The following ZBTB20 variants were observed in gnomAD, a reference collection of about 807,000 sequenced individuals.
The protein encoded by ZBTB20 is zinc finger and BTB domain-containing protein 20.
Under a neutral mutation model 56.9 loss-of-function variants are expected in ZBTB20, and 9 were observed. The ratio of observed to expected loss-of-function variants is 0.16; its 90% CI spans 0.10 to 0.28. The LOEUF is 0.28. Ranked by LOEUF, ZBTB20 falls within the 10% of genes least tolerant of loss-of-function variation. The pLI is 1.00. For missense variants in ZBTB20, 655 were observed against 1,003.0 expected (o/e 0.65, Z 4.69); for synonymous variants, 417 against 420.7 (o/e 0.99, Z 0.11).
chr3:114,348,568 G>A (rs2080381647), intron 11 of ZBTB20, among the ~76,000 whole-genome samples: 1 of 152,114 alleles, frequency 6.6e-6, no homozygotes, highest in Non-Finnish European at 1.5e-5. Flanking sequence ...TGTTTATTTG[G>A]AAGTGTGAAT....
intron 3 of ZBTB20, among the ~76,000 whole-genome samples, chr3:114,953,936 T>C (rs2077161213): frequency 6.6e-6 from 1 of 152,132 alleles, no homozygotes; most frequent in African/African-American, 2.4e-5. Context: ...GGTTTTTTGA[T>C]ATAGCCAACT....
At chr3:114,350,206 C>T (rs2080545035) in intron 11 of ZBTB20, 68 bp downstream of exon 11, 5 of 1,534,198 alleles carry the variant, frequency 3.3e-6, no homozygotes, top group Middle Eastern at 1.8e-4. Flanking sequence ...TCTACCTGCT[C>T]TCTTACCTTG....
chr3:114,602,749 T>G (rs2107638482), intron 6 of ZBTB20, among the ~76,000 whole-genome samples: 1 of 152,162 alleles, frequency 6.6e-6, no homozygotes, highest in East Asian at 1.9e-4. Flanking sequence ...GAAAAAAGGC[T>G]TCTGTATAAA....
At chr3:114,791,619 A>G (rs187754986) in intron 5 of ZBTB20, 6 of 152,336 alleles carry the variant, frequency 3.9e-5, no homozygotes, top group Non-Finnish European at 1.5e-5. Flanking sequence ...TCTATCACTT[A>G]TTGATTATCT....
At chr3:114,690,933 C>G (rs2062660600) in intron 6 of ZBTB20, among the ~76,000 whole-genome samples, 1 of 152,120 alleles carries the variant, frequency 6.6e-6, no homozygotes, top group Non-Finnish European at 1.5e-5. Flanking sequence ...GTATTCAACA[C>G]ATGCTTAAAC....
At chr3:114,645,234 T>C (rs1362762965) in intron 6 of ZBTB20, among the ~76,000 whole-genome samples, 1 of 152,136 alleles carries the variant, frequency 6.6e-6, no homozygotes, top group Non-Finnish European at 1.5e-5. Context: ...AGTTCATATA[T>C]TTTTGTGTAA....
chr3:114,569,337 A>C (rs778742638), intron 6 of ZBTB20, among the ~76,000 whole-genome samples: 1 of 152,214 alleles, frequency 6.6e-6, no homozygotes, highest in African/African-American at 2.4e-5. Context: ...TGGGGTCACA[A>C]AGGCAGCATG....
At chr3:114,859,174 G>T (rs1363129570) in intron 4 of ZBTB20, among the ~76,000 whole-genome samples, 2 of 151,694 alleles carry the variant, frequency 1.3e-5, no homozygotes, top group African/African-American at 2.4e-5. Context: ...TCTGCTGCCT[G>T]CCTGCCCACC....
intron 3 of ZBTB20, among the ~76,000 whole-genome samples, chr3:114,925,879 T>C (rs911622629): frequency 2.0e-5 from 3 of 152,200 alleles, no homozygotes; most frequent in African/African-American, 7.2e-5. Flanking sequence ...TACTCCAGAC[T>C]TGGAGTCCTT....
chr3:114,806,325 C>T (rs1273453542), intron 4 of ZBTB20, among the ~76,000 whole-genome samples: 1 of 151,808 alleles, frequency 6.6e-6, no homozygotes, highest in Non-Finnish European at 1.5e-5. Context: ...ATTTACTTTT[C>T]CCTGGAAATA....
At chr3:114,851,456 TA>T (rs1235177255) in intron 4 of ZBTB20, among the ~76,000 whole-genome samples, 1 of 139,774 alleles carries the variant, frequency 7.2e-6, no homozygotes, top group Admixed American at 7.0e-5. Flanking sequence ...ATTTTTCACA[TA>T]TATATATAAA....
chr3:115,120,537 A>C (rs565385182), intron 1 of ZBTB20, among the ~76,000 whole-genome samples: 47 of 152,266 alleles, frequency 3.1e-4, no homozygotes, highest in Non-Finnish European at 2.8e-4. Flanking sequence ...AGGGGATTGA[A>C]ACCATCAGGA....
At chr3:115,045,479 A>AACT in intron 2 of ZBTB20, among the ~76,000 whole-genome samples, 1 of 151,954 alleles carries the variant, frequency 6.6e-6, no homozygotes, top group East Asian at 1.9e-4. Context: ...AATACAAAGA[A>AACT]ACTACACCTT....
chr3:114,449,906 T>C (rs747367441), intron 7 of ZBTB20, among the ~76,000 whole-genome samples: 2 of 152,194 alleles, frequency 1.3e-5, no homozygotes, highest in Non-Finnish European at 2.9e-5. Flanking sequence ...GCAAATTTTC[T>C]ATTTCAGTGA....
At chr3:114,795,833 T>C (rs1578904749) in intron 5 of ZBTB20, among the ~76,000 whole-genome samples, 1 of 152,234 alleles carries the variant, frequency 6.6e-6, no homozygotes, top group African/African-American at 2.4e-5. Context: ...CTATTAAATA[T>C]AGTTGAATAA....
At chr3:114,473,036 A>G (rs1231109332) in intron 7 of ZBTB20, among the ~76,000 whole-genome samples, 1 of 152,228 alleles carries the variant, frequency 6.6e-6, no homozygotes, top group East Asian at 1.9e-4. Context: ...GACAGGTACA[A>G]TCAGAAACAG....
intron 7 of ZBTB20, among the ~76,000 whole-genome samples, chr3:114,441,202 A>T (rs569578500): frequency 6.6e-6 from 1 of 152,314 alleles, no homozygotes; most frequent in Non-Finnish European, 1.5e-5. Context: ...CATAATTATG[A>T]AGAAAAACCA....
At chr3:114,475,629 A>C (rs1431283429) in intron 7 of ZBTB20, among the ~76,000 whole-genome samples, 1 of 152,210 alleles carries the variant, frequency 6.6e-6, no homozygotes, top group East Asian at 1.9e-4. Context: ...TTAATAGCTA[A>C]AGAAGAAAAA....
intron 6 of ZBTB20, among the ~76,000 whole-genome samples, chr3:114,642,222 G>C (rs1421498733): frequency 1.3e-5 from 2 of 152,036 alleles, no homozygotes; most frequent in Non-Finnish European, 2.9e-5. Context: ...GGCTGAAAAA[G>C]AGCATTAGAA....
Sources: allele counts gnomAD v4.1 joint callset (sites outside exome capture counted in the v4.1 genomes callset), GRCh38; gene constraint gnomAD v4.1.1; transcripts MANE v1.5; gene names NCBI Gene and HGNC (gene_info 2026-07-23, HGNC 2026-07-21).